The following HEATR5A variants were observed in gnomAD, a reference collection of about 807,000 sequenced individuals.
HEATR5A encodes the protein HEAT repeat containing 5A.
Under a neutral mutation model 218.8 loss-of-function variants are expected in HEATR5A, and 178 were observed. The ratio of observed to expected loss-of-function variants is 0.81; its 90% CI spans 0.72 to 0.92. The LOEUF is 0.92. HEATR5A is among the 40% of genes least tolerant of loss of function. HEATR5A has a pLI of 0.00. For synonymous variants in HEATR5A, 864 were observed against 871.6 expected (o/e 0.99, Z 0.15); for missense variants, 2,420 against 2,418.9 (o/e 1.00, Z -0.01).
intron 4 of HEATR5A, among the ~76,000 whole-genome samples, chr14:31,396,530 G>C (rs1272838443): frequency 6.6e-6 from 1 of 152,200 alleles, no homozygotes; most frequent in Non-Finnish European, 1.5e-5. Context: ...CCAGGAAGTT[G>C]GGCCACTGAA....
At chr14:31,344,274 T>A (rs1900946033) in intron 20 of HEATR5A, among the ~76,000 whole-genome samples, 1 of 117,786 alleles carries the variant, frequency 8.5e-6, no homozygotes, top group Non-Finnish European at 1.8e-5. Flanking sequence ...TATTCTTTTT[T>A]TTTTTTTTTT....
chr14:31,340,407 G>A (rs1214476495), intron 21 of HEATR5A: 5 of 1,250,568 alleles, frequency 4.0e-6, no homozygotes, highest in South Asian at 1.3e-5. Flanking sequence ...AAACAGCACC[G>A]CAAAACTCAA....
At chr14:31,360,282 C>T (rs1376910702) in intron 14 of HEATR5A, among the ~76,000 whole-genome samples, 1 of 152,076 alleles carries the variant, frequency 6.6e-6, no homozygotes. Flanking sequence ...CAATTTTCTA[C>T]AGTCTGGGTT....
At chr14:31,316,717 G>C (rs1028056688) in intron 26 of HEATR5A, among the ~76,000 whole-genome samples, 1 of 152,134 alleles carries the variant, frequency 6.6e-6, no homozygotes, top group Admixed American at 6.5e-5. Flanking sequence ...TTTTGGGATA[G>C]GATCTTGCTC....
At chr14:31,318,923 G>T (rs907236357) in intron 25 of HEATR5A, among the ~76,000 whole-genome samples, 5 of 152,284 alleles carry the variant, frequency 3.3e-5, no homozygotes, top group African/African-American at 1.2e-4. Context: ...TCTTTCTGAG[G>T]CCCTGGGTGC....
chr14:31,326,416 T>C, intron 22 of HEATR5A, 74 bp from the exon 23 acceptor site: 1 of 1,059,958 alleles, frequency 9.4e-7, no homozygotes. Context: ...ACACATTCAG[T>C]AGTTATTCAA....
chr14:31,344,258 ATTAG>A (rs1353386970), intron 20 of HEATR5A, among the ~76,000 whole-genome samples, 193 bp from the exon 21 acceptor site: 1 of 104,672 alleles, frequency 9.6e-6, no homozygotes, highest in Non-Finnish European at 2.2e-5. Context: ...AGATTGTTAG[ATTAG>A]TTATTCTTTT....
chr14:31,359,042 AT>A lies in HEATR5A; in HGVS notation c.2086del (p.Ile696SerfsTer9), dbSNP rs1284370045. Reference sequence around the variant, plus strand: ...CAAGTCAGCAGCCAGCTCTCTGAGGATAGCACAGAGGTTTCCTGTTGAGTCA... The same window carrying A: ...CAAGTCAGCAGCCAGCTCTCTGAGGAAGCACAGAGGTTTCCTGTTGAGTCA... The part of the protein sequence containing the change: ...PETYEGNLCA[I>X]LRELAADLTA... On this transcript the variant is annotated frameshift_variant, in exon 15 of 36. Coordinates refer to ENST00000543095, the MANE Select transcript of HEATR5A (RefSeq NM_015473.4). LOFTEE classifies it high-confidence loss of function. The A allele has an allele frequency of 1.3e-6, 2 of 1,594,480 alleles. No individual in the cohort carries two copies. The highest frequency in any genetic ancestry group is 8.5e-7 in the Non-Finnish European group (1 of 1,175,672).
intron 11 of HEATR5A, among the ~76,000 whole-genome samples, chr14:31,377,970 T>G (rs754569375): frequency 4.6e-5 from 7 of 152,218 alleles, no homozygotes; most frequent in Non-Finnish European, 5.9e-5. Flanking sequence ...CTTCTTGTTG[T>G]CTTCCTCCAA....
chr14:31,394,328 ACAAATT>A, intron 5 of HEATR5A, 102 bp from the exon 6 acceptor site: 1 of 578,546 alleles, frequency 1.7e-6, no homozygotes, highest in Non-Finnish European at 2.8e-6. Context: ...CAAATAATAT[ACAAATT>A]CAAAGTATCT....
intron 21 of HEATR5A, among the ~76,000 whole-genome samples, chr14:31,341,000 C>T (rs184658335): frequency 6.6e-6 from 1 of 152,296 alleles, no homozygotes; most frequent in East Asian, 1.9e-4. Context: ...AAATACTTCC[C>T]AGTAGGATTT....
At chr14:31,400,562 G>T (rs1383240385) in intron 2 of HEATR5A, 50 bp from the exon 3 acceptor site, 7 of 1,163,288 alleles carry the variant, frequency 6.0e-6, no homozygotes, top group Non-Finnish European at 8.3e-6. Flanking sequence ...ATAATTATCT[G>T]TAATCCCCTA....
intron 6 of HEATR5A, among the ~76,000 whole-genome samples, chr14:31,390,609 A>G (rs2030415494): frequency 6.6e-6 from 1 of 152,234 alleles, no homozygotes; most frequent in South Asian, 2.1e-4. Flanking sequence ...CAGAGATCAC[A>G]TATATGACGG....
intron 22 of HEATR5A, among the ~76,000 whole-genome samples, chr14:31,330,354 C>G (rs117725318): frequency 1.6e-3 from 249 of 152,282 alleles, no homozygotes; most frequent in South Asian, 9.3e-3. Context: ...CACAAGGCAA[C>G]AATTCCCAAG....
At chr14:31,306,163 T>C (rs1460888374) in intron 31 of HEATR5A, among the ~76,000 whole-genome samples, 4 of 152,030 alleles carry the variant, frequency 2.6e-5, no homozygotes, top group African/African-American at 9.7e-5. Flanking sequence ...AACTAACATG[T>C]AGAGGTGAAT....
chr14:31,348,119 A>G (rs762654154), intron 18 of HEATR5A, among the ~76,000 whole-genome samples: 1 of 152,236 alleles, frequency 6.6e-6, no homozygotes, highest in Non-Finnish European at 1.5e-5. Flanking sequence ...TCCTCATATT[A>G]TTAATGATTA....
chr14:31,357,333 G>C (rs1901458460), intron 16 of HEATR5A, among the ~76,000 whole-genome samples: 1 of 152,178 alleles, frequency 6.6e-6, no homozygotes, highest in South Asian at 2.1e-4. Flanking sequence ...CTTCACCAAA[G>C]AGATAAAGGT....
chr14:31,383,631 T>C lies in HEATR5A; in HGVS notation c.1486A>G (p.Thr496Ala). The change falls in exon 10 of 36, where the codon ACT becomes GCT. Residue 496 changes from threonine (T) to alanine (A), a missense_variant. Transcript: ENST00000543095. ...PLLDRCLERL[T>A]GHKSSPEAVT... ...GCTTCAGGTGAAGACTTATGTCCAGTAAGCCGTTCAAGGCAACGATCCAAG... is the reference window on the plus strand; with the variant it reads ...GCTTCAGGTGAAGACTTATGTCCAGCAAGCCGTTCAAGGCAACGATCCAAG... 1 of 1,614,016 alleles carries C rather than the reference T, an allele frequency of 6.2e-7. No homozygotes were observed. The highest frequency in any genetic ancestry group is 2.2e-5 in the East Asian group (1 of 44,888).
rs529678719 is a variant in HEATR5A at position 31,326,640 on chromosome 14, A to C, written c.3368-298T>G. ...ACCCAATTAGTGTCCAATACTTACA[A>C]AATTTTTTTTTCTTTATTCGAGACA... On this transcript the variant is annotated intron_variant, in intron 22 of 35. Transcript: ENST00000543095. Among the ~76,000 whole-genome samples the C allele has an allele frequency of 1.2e-4, 19 of 152,212 alleles. No homozygotes were observed. The East Asian group carries it at 3.7e-3, about 29-fold the overall frequency.
Sources: gnomAD v4.1 joint callset for allele counts (sites outside exome capture counted in the v4.1 genomes callset) on GRCh38, gnomAD v4.1.1 for gene constraint, MANE v1.5 for transcripts, NCBI Gene and HGNC (gene_info 2026-07-23, HGNC 2026-07-21) for gene names.